The following CADM2 variants were observed in gnomAD, a reference collection of about 807,000 sequenced individuals.
The protein encoded by CADM2 is immunoglobulin superfamily member 4D.
Under a neutral mutation model 49.8 loss-of-function variants are expected in CADM2, and 12 were observed. The observed-to-expected ratio is 0.24, with a 90% CI of 0.15 to 0.39. The LOEUF (loss-of-function observed/expected upper bound fraction) is 0.39. Ranked by LOEUF, CADM2 falls within the 10% of genes least tolerant of loss-of-function variation. CADM2 has a pLI of 1.00. For missense variants in CADM2, 378 were observed against 492.3 expected, an observed-to-expected ratio of 0.77 and a Z score of 2.20; for synonymous variants, 214 against 175.4, an observed-to-expected ratio of 1.22 and a Z score of -1.74.
intron 1 of CADM2, among the ~76,000 whole-genome samples, chr3:85,383,503 CATATATATATATGTAT>C (rs11276521): frequency 0.31 from 34,236 of 109,078 alleles, 4,434 homozygotes; most frequent in South Asian, 0.45. Flanking sequence ...TACATAAAAC[CATATATATATATGTAT>C]ATATATATAT....
chr3:86,006,372 T>A (rs945506873), intron 8 of CADM2, among the ~76,000 whole-genome samples: 2 of 152,184 alleles, frequency 1.3e-5, no homozygotes, highest in African/African-American at 4.8e-5. Context: ...AGAGAGAGTT[T>A]AGAAGTACAT....
At chr3:86,019,786 A>G (rs1186974563) in intron 8 of CADM2, among the ~76,000 whole-genome samples, 5 of 152,140 alleles carry the variant, frequency 3.3e-5, no homozygotes, top group African/African-American at 7.2e-5. Context: ...GGGCTGAGAC[A>G]ATGGGGTTTT....
At chr3:85,395,489 G>A (rs1038508533) in intron 1 of CADM2, among the ~76,000 whole-genome samples, 16 of 152,000 alleles carry the variant, frequency 1.1e-4, no homozygotes, top group African/African-American at 3.6e-4. Flanking sequence ...GTTTCTGGCT[G>A]CCGTCTAACA....
intron 1 of CADM2, among the ~76,000 whole-genome samples, chr3:85,365,892 C>G (rs1188321595): frequency 6.6e-6 from 1 of 152,128 alleles, no homozygotes; most frequent in Non-Finnish European, 1.5e-5. Flanking sequence ...ATTAGGTTCA[C>G]ACCACGCAAT....
chr3:85,504,774 G>T (rs998287458), intron 1 of CADM2, among the ~76,000 whole-genome samples: 1 of 152,214 alleles, frequency 6.6e-6, no homozygotes, highest in Non-Finnish European at 1.5e-5. Flanking sequence ...CCACGGAGGG[G>T]GTGGGAGGCT....
intron 1 of CADM2, among the ~76,000 whole-genome samples, chr3:85,697,084 C>A (rs932616950): frequency 2.8e-5 from 1 of 35,566 alleles, no homozygotes; most frequent in Non-Finnish European, 5.0e-5. Context: ...ATATATATGC[C>A]ATATATATAT....
At chr3:85,173,248 GATACGGAGGAGACA>G (rs1194662800) in intron 1 of CADM2, among the ~76,000 whole-genome samples, 1 of 151,954 alleles carries the variant, frequency 6.6e-6, no homozygotes, top group Non-Finnish European at 1.5e-5. Context: ...ATAAATGTGA[GATACGGAGGAGACA>G]ATTACTACTT....
At chr3:85,679,259 T>A (rs941751146) in intron 1 of CADM2, among the ~76,000 whole-genome samples, 2 of 151,944 alleles carry the variant, frequency 1.3e-5, no homozygotes, top group African/African-American at 4.8e-5. Context: ...TGAAATTTAA[T>A]GAAAAAATAG....
At chr3:85,531,135 ATCATAAATGCC>A (rs1432778613) in intron 1 of CADM2, among the ~76,000 whole-genome samples, 2 of 152,144 alleles carry the variant, frequency 1.3e-5, no homozygotes, top group African/African-American at 4.8e-5. Context: ...TTCTACTAAA[ATCATAAATGCC>A]TTATAAGAGC....
chr3:85,381,640 C>A (rs1002726136), intron 1 of CADM2, among the ~76,000 whole-genome samples: 1 of 150,816 alleles, frequency 6.6e-6, no homozygotes, highest in African/African-American at 2.4e-5. Context: ...AGTTTTCTTG[C>A]AGCAAGATAT....
At chr3:85,510,242 G>C (rs2040553007) in intron 1 of CADM2, among the ~76,000 whole-genome samples, 1 of 151,920 alleles carries the variant, frequency 6.6e-6, no homozygotes, top group Admixed American at 6.6e-5. Context: ...GAATTCTTCA[G>C]AAGTCCCTTT....
intron 1 of CADM2, among the ~76,000 whole-genome samples, chr3:85,139,908 G>C (rs1366766508): frequency 1.3e-5 from 2 of 152,138 alleles, no homozygotes; most frequent in Non-Finnish European, 2.9e-5. Context: ...GGAGTGAAGG[G>C]AAGGATGTAG....
intron 1 of CADM2, among the ~76,000 whole-genome samples, chr3:85,629,959 TTAAG>T (rs1458610601): frequency 6.6e-6 from 1 of 152,050 alleles, no homozygotes. Flanking sequence ...CAAATGCTCA[TTAAG>T]TGTTTCTTTT....
chr3:85,437,853 T>TTA (rs2037004537), intron 1 of CADM2, among the ~76,000 whole-genome samples: 1 of 152,016 alleles, frequency 6.6e-6, no homozygotes, highest in Non-Finnish European at 1.5e-5. Flanking sequence ...AACTATGTTG[T>TTA]TATAAGTCAC....
intron 8 of CADM2, among the ~76,000 whole-genome samples, chr3:85,984,133 C>T (rs925776096): frequency 8.8e-5 from 13 of 148,530 alleles, no homozygotes; most frequent in Middle Eastern, 4.2e-3. Context: ...ACAATTATTC[C>T]GATTATATAT....
chr3:85,143,818 T>C (rs1559686324), intron 1 of CADM2, among the ~76,000 whole-genome samples: 1 of 152,300 alleles, frequency 6.6e-6, no homozygotes, highest in East Asian at 1.9e-4. Context: ...AGCCAGAATA[T>C]TTCTGATTGC....
At chr3:85,606,112 G>A (rs938652077) in intron 1 of CADM2, among the ~76,000 whole-genome samples, 2 of 151,956 alleles carry the variant, frequency 1.3e-5, no homozygotes, top group East Asian at 3.9e-4. Context: ...GGTACTAAGG[G>A]CATTATAGAC....
intron 7 of CADM2, among the ~76,000 whole-genome samples, chr3:85,941,518 G>A (rs1025892541): frequency 7.2e-5 from 11 of 152,138 alleles, no homozygotes; most frequent in Admixed American, 6.6e-4. Flanking sequence ...GAGAAGAGAG[G>A]CAGTGTCATG....
At chr3:85,487,724 CTGTG>C (rs372515131) in intron 1 of CADM2, among the ~76,000 whole-genome samples, 2 of 150,930 alleles carry the variant, frequency 1.3e-5, no homozygotes, top group African/African-American at 2.4e-5. Context: ...AAATAAACCT[CTGTG>C]TGTGTGTGTG....
Sources: gnomAD v4.1 joint callset for allele counts (sites outside exome capture counted in the v4.1 genomes callset) on GRCh38, gnomAD v4.1.1 for gene constraint, MANE v1.5 for transcripts, NCBI Gene and HGNC (gene_info 2026-07-23, HGNC 2026-07-21) for gene names.